ROBO2: variants seen among roughly 807,000 people sequenced by gnomAD.
The protein encoded by ROBO2 is roundabout guidance receptor 2.
ROBO2 carries 53 observed loss-of-function variants against 160.8 expected under a neutral mutation model. The ratio of observed to expected loss-of-function variants is 0.33; its 90% CI spans 0.26 to 0.41. The LOEUF (loss-of-function observed/expected upper bound fraction) is 0.41, where lower values mean the gene tolerates loss of function less well. Ranked by LOEUF, ROBO2 falls within the 10% of genes least tolerant of loss-of-function variation. The pLI is 1.00. For missense variants in ROBO2, 1,577 were observed against 1,722.4 expected (o/e 0.92, Z 1.49); for synonymous variants, 664 against 611.7 (o/e 1.09, Z -1.26).
intron 2 of ROBO2, among the ~76,000 whole-genome samples, chr3:76,938,215 G>C (rs145322402): frequency 6.6e-6 from 1 of 152,120 alleles, no homozygotes; most frequent in Admixed American, 6.5e-5. Context: ...ATTTAGCTGA[G>C]TGAGGTGGTG....
chr3:77,602,556 G>A, intron 20 of ROBO2, 65 bp downstream of exon 21: 4 of 1,575,984 alleles, frequency 2.5e-6, no homozygotes, highest in Admixed American at 3.3e-5. Flanking sequence ...ATAGAAATTA[G>A]TATTTGTTGT....
At chr3:76,081,044 C>T (rs1190178384) in intron 2 of ROBO2, among the ~76,000 whole-genome samples, 2 of 151,880 alleles carry the variant, frequency 1.3e-5, no homozygotes, top group East Asian at 1.9e-4. Flanking sequence ...TCTTTAAGGG[C>T]TTTGTGGCAA....
At chr3:77,185,940 A>G (rs113296597) in intron 2 of ROBO2, among the ~76,000 whole-genome samples, 2 of 151,954 alleles carry the variant, frequency 1.3e-5, no homozygotes, top group African/African-American at 4.8e-5. Context: ...GGAAAACCAG[A>G]CATCGTATGT....
At chr3:77,587,357 T>G (rs1355824618) in intron 16 of ROBO2, among the ~76,000 whole-genome samples, 1 of 152,052 alleles carries the variant, frequency 6.6e-6, no homozygotes, top group Non-Finnish European at 1.5e-5. Context: ...TGCTAGGAAG[T>G]GTAGGCTAAT....
chr3:77,437,996 A>C (rs2079483220), intron 2 of ROBO2, among the ~76,000 whole-genome samples: 1 of 152,030 alleles, frequency 6.6e-6, no homozygotes, highest in Admixed American at 6.6e-5. Context: ...CATTTTTAAT[A>C]ACGATAATAA....
At chr3:76,569,829 A>G (rs903383769) in intron 2 of ROBO2, among the ~76,000 whole-genome samples, 1 of 152,192 alleles carries the variant, frequency 6.6e-6, no homozygotes, top group Admixed American at 6.5e-5. Flanking sequence ...AACAGCATTG[A>G]GATTCCAATA....
chr3:77,361,986 A>G (rs9863718), intron 2 of ROBO2, among the ~76,000 whole-genome samples: 64,780 of 152,046 alleles, frequency 0.43, 14,769 homozygotes, highest in East Asian at 0.72. Context: ...CCTTAATGAT[A>G]TTTATAACTT....
At chr3:77,084,481 A>G (rs573661470) in intron 1 of ROBO2, among the ~76,000 whole-genome samples, 1 of 152,202 alleles carries the variant, frequency 6.6e-6, no homozygotes, top group Non-Finnish European at 1.5e-5. Flanking sequence ...ATCACTTTAC[A>G]TTTTTATACC....
chr3:77,018,093 C>T (rs1381482742), intron 2 of ROBO2, among the ~76,000 whole-genome samples: 1 of 152,072 alleles, frequency 6.6e-6, no homozygotes, highest in Admixed American at 6.5e-5. Flanking sequence ...TTTATGAATT[C>T]AGAAACAATA....
At chr3:77,635,455 T>A (rs940717960) in intron 24 of ROBO2, among the ~76,000 whole-genome samples, 11 of 152,204 alleles carry the variant, frequency 7.2e-5, no homozygotes, top group African/African-American at 2.7e-4. Flanking sequence ...GATTTAGTAA[T>A]TTTTTAGTCA....
chr3:77,018,338 C>T (rs1197181226), intron 2 of ROBO2, among the ~76,000 whole-genome samples: 2 of 152,146 alleles, frequency 1.3e-5, no homozygotes, highest in Admixed American at 1.3e-4. Flanking sequence ...CCGCCTCAGC[C>T]TCCCACAGTG....
intron 2 of ROBO2, among the ~76,000 whole-genome samples, chr3:76,705,940 G>A (rs1466526284): frequency 1.3e-5 from 2 of 152,064 alleles, no homozygotes; most frequent in Non-Finnish European, 2.9e-5. Context: ...TAAAGTCAAT[G>A]ATTCTTTTTT....
intron 2 of ROBO2, among the ~76,000 whole-genome samples, chr3:75,950,042 G>A (rs1358082861): frequency 6.6e-6 from 1 of 151,960 alleles, no homozygotes; most frequent in Non-Finnish European, 1.5e-5. Flanking sequence ...GTGTGTGAGT[G>A]TGCATATCAC....
intron 2 of ROBO2, among the ~76,000 whole-genome samples, chr3:75,976,623 T>C (rs2065140411): frequency 6.6e-6 from 1 of 151,544 alleles, no homozygotes; most frequent in Admixed American, 6.6e-5. Context: ...TACATGTTAA[T>C]AAAAATTTAA....
chr3:77,207,426 C>A (rs1255589973), intron 2 of ROBO2, among the ~76,000 whole-genome samples: 2 of 152,168 alleles, frequency 1.3e-5, no homozygotes, highest in Admixed American at 6.5e-5. Flanking sequence ...AAGTTTTGAT[C>A]TGAATTATGT....
chr3:76,600,416 G>C (rs1431391605), intron 2 of ROBO2, among the ~76,000 whole-genome samples: 1 of 152,152 alleles, frequency 6.6e-6, no homozygotes, highest in Non-Finnish European at 1.5e-5. Context: ...CTGCTGATAA[G>C]GACATGCAGG....
At chr3:76,630,266 G>A (rs1005207715) in intron 2 of ROBO2, among the ~76,000 whole-genome samples, 1 of 152,178 alleles carries the variant, frequency 6.6e-6, no homozygotes, top group Admixed American at 6.5e-5. Flanking sequence ...GGGTGTGTGT[G>A]AGCGTGCCCT....
At chr3:76,106,246 C>T (rs1293189180) in intron 2 of ROBO2, among the ~76,000 whole-genome samples, 1 of 151,980 alleles carries the variant, frequency 6.6e-6, no homozygotes, top group Non-Finnish European at 1.5e-5. Flanking sequence ...AGTTGGATAA[C>T]CCAGAGTGAA....
At chr3:76,278,835 G>C (rs926552444) in intron 2 of ROBO2, among the ~76,000 whole-genome samples, 1 of 151,790 alleles carries the variant, frequency 6.6e-6, no homozygotes, top group Non-Finnish European at 1.5e-5. Flanking sequence ...GAATGTGAAC[G>C]CCACTAGTCC....
Sources: allele counts gnomAD v4.1 joint callset (sites outside exome capture counted in the v4.1 genomes callset), GRCh38; gene constraint gnomAD v4.1.1; transcripts MANE v1.5; gene names NCBI Gene and HGNC (gene_info 2026-07-23, HGNC 2026-07-21).